The following AHNAK variants were observed in gnomAD, a reference collection of about 807,000 sequenced individuals.
AHNAK encodes neuroblast differentiation-associated protein AHNAK.
Under a neutral mutation model 37.8 loss-of-function variants are expected in AHNAK, and 23 were observed. The ratio of observed to expected loss-of-function variants is 0.61; its 90% confidence interval spans 0.44 to 0.86. The LOEUF is 0.86. Among genes scored for constraint, AHNAK ranks in the 40% least tolerant of loss-of-function variants. The pLI is 0.00. For missense variants in AHNAK, 7,411 were observed against 7,319.4 expected, an observed-to-expected ratio of 1.01 and a Z score of -0.46; for synonymous variants, 2,481 against 2,636.3, an observed-to-expected ratio of 0.94 and a Z score of 1.80.
intron 5 of AHNAK, among the ~76,000 whole-genome samples, chr11:62,485,041 G>A (rs924499486): frequency 1.1e-4 from 16 of 152,104 alleles, no homozygotes; most frequent in Middle Eastern, 3.4e-3. Context: ...TGCCTGCCTC[G>A]GCCTCCCAAA....
At chr11:62,457,751 A>G (rs1263063003) in intron 5 of AHNAK, among the ~76,000 whole-genome samples, 1 of 152,164 alleles carries the variant, frequency 6.6e-6, no homozygotes, top group Non-Finnish European at 1.5e-5. Flanking sequence ...AGACATAAAC[A>G]TGGGAACAAG....
rs1413696103 is a variant in AHNAK, at chr11:62,531,058, A to G, written c.3359T>C (p.Leu1120Pro). Reference sequence around the variant, plus strand: ...CTTGGGTATTTTCAGGCTCCAGTCCAGGCCTTGGCCTTCCACATCTGGTGC... The same window carrying G: ...CTTGGGTATTTTCAGGCTCCAGTCCGGGCCTTGGCCTTCCACATCTGGTGC... The part of the protein sequence containing the change: ...IKAPDVEGQG[L>P]DWSLKIPKMK... The change falls in exon 5 of 5, where the codon CTG becomes CCG. Residue 1120 changes from leucine to proline, a missense_variant. Physicochemically the swap from Leu to Pro is moderately conservative, Grantham distance 98 (BLOSUM62 -3). Coordinates refer to ENST00000378024, the MANE Select transcript of AHNAK (RefSeq NM_001620.3). 6.2e-7 allele frequency: 1 copy of G among 1,612,704 alleles called. No homozygotes were observed. Among genetic ancestry groups the G allele is most frequent in the Non-Finnish European group, 8.5e-7 (1 of 1,179,580 alleles).
chr11:62,474,110 T>G (rs11603834), intron 5 of AHNAK, among the ~76,000 whole-genome samples: 157 of 151,958 alleles, frequency 1.0e-3, no homozygotes, highest in Admixed American at 1.8e-3. Flanking sequence ...TAGTAATAAT[T>G]TATAAATAAA....
At position 62,531,326 on chromosome 11, in the gene AHNAK, C is replaced by G. The variant is rs371985232; in HGVS notation, c.3091G>C (p.Ala1031Pro). ...GGAGCATTAGTATCTACTTTTGGTG[C>G]AGAAATGTCCACATTCGCTTTGGAC... ...NLSKANVDIS[A>P]PKVDTNAPDL... Residue 1031 changes from alanine (A) to proline (P), a missense_variant, in exon 5 of 5, where the codon GCA becomes CCA. Transcript: ENST00000378024. 24 of 1,613,670 alleles carry G rather than the reference C, an allele frequency of 1.5e-5. No homozygotes were observed. The highest frequency in any genetic ancestry group is 1.8e-5 in the Non-Finnish European group (21 of 1,179,924).
intron 4 of AHNAK, among the ~76,000 whole-genome samples, chr11:62,503,026 G>A (rs900253953): frequency 6.6e-5 from 10 of 152,160 alleles, no homozygotes; most frequent in African/African-American, 2.2e-4. Flanking sequence ...GTTCACGCTG[G>A]CTTACTGAAG....
At chr11:62,497,929 A>T (rs1413728971) in intron 4 of AHNAK, among the ~76,000 whole-genome samples, 1 of 151,704 alleles carries the variant, frequency 6.6e-6, no homozygotes, top group African/African-American at 2.4e-5. Flanking sequence ...GAGCCACTGC[A>T]CTCCAGCCTG....
chr11:62,449,607 T>C (rs1341490459), intron 5 of AHNAK, among the ~76,000 whole-genome samples: 1 of 152,186 alleles, frequency 6.6e-6, no homozygotes, highest in Non-Finnish European at 1.5e-5. Flanking sequence ...GCTTTATTAG[T>C]CCAGCTCACT....
In AHNAK at chr11:62,509,384, A is replaced by C. The variant is rs142172225; in HGVS notation, c.343-17553T>G. Among the ~76,000 whole-genome samples, 80 of 152,262 alleles carry C rather than the reference A, an allele frequency of 5.3e-4. No individual in the cohort carries two copies. The East Asian group carries it at 0.015, about 28-fold the overall frequency. ...GGAGTTCGAGACCAGCCCTGTCTCT[A>C]CTAAAAATACAAAAAATTAGCTGGG... On this transcript the variant is annotated intron_variant, in intron 4 of 5. Transcript: ENST00000257247.
chr11:62,472,614 A>T (rs1939056102), intron 5 of AHNAK, among the ~76,000 whole-genome samples: 1 of 152,084 alleles, frequency 6.6e-6, no homozygotes, highest in Non-Finnish European at 1.5e-5. Context: ...AGGACAGCAC[A>T]GCCCCCACCC....
At chr11:62,456,929 C>A (rs1014269255) in intron 5 of AHNAK, among the ~76,000 whole-genome samples, 1 of 152,198 alleles carries the variant, frequency 6.6e-6, no homozygotes, top group Non-Finnish European at 1.5e-5. Flanking sequence ...CCTGCAGTCA[C>A]CTGACCTCAG....
chr11:62,440,359 T>C (rs1357307347), intron 5 of AHNAK, among the ~76,000 whole-genome samples: 1 of 152,076 alleles, frequency 6.6e-6, no homozygotes, highest in East Asian at 1.9e-4. Flanking sequence ...TTCCAGGGCT[T>C]GAGGCAGAGT....
intron 5 of AHNAK, among the ~76,000 whole-genome samples, chr11:62,446,662 G>T (rs1055768855): frequency 6.6e-6 from 1 of 152,000 alleles, no homozygotes; most frequent in Admixed American, 6.6e-5. Flanking sequence ...TTCATGTTTT[G>T]TCATCCACCT....
At chr11:62,536,592 T>C in intron 1 of AHNAK, 25 bp from the exon 2 acceptor site, 1 of 152,944 alleles carries the variant, frequency 6.5e-6, no homozygotes, top group Non-Finnish European at 1.5e-5. Flanking sequence ...ACGATGATGC[T>C]CGCACTCCGG....
At position 62,533,600 on chromosome 11, in the gene AHNAK, C is replaced by A; in HGVS notation, c.817G>T (p.Val273Phe). 6.2e-6 allele frequency: 10 copies of A among 1,614,130 alleles called. No homozygotes were observed. Among genetic ancestry groups the A allele is most frequent in the Non-Finnish European group, 8.5e-6 (10 of 1,180,020 alleles). Residue 273 changes from valine (V) to phenylalanine (F), a missense_variant, in exon 5 of 5, where the codon GTC becomes TTC. Physicochemically the swap from Val to Phe is conservative, Grantham distance 50. Coordinates refer to ENST00000378024, the MANE Select transcript of AHNAK (RefSeq NM_001620.3). The part of the protein sequence containing the change: ...KGLDLGGRGG[V>F]QVPAVDISSS... ...GAAATGTCCACTGCTGGAACTTGGA[C>A]CCCTCCTCTGCCACCCAAGTCCAAG...
At chr11:62,545,216 C>CCA (rs1339884687) in intron 1 of AHNAK, among the ~76,000 whole-genome samples, 1 of 152,228 alleles carries the variant, frequency 6.6e-6, no homozygotes, top group Non-Finnish European at 1.5e-5. Flanking sequence ...GCGGCGGGAG[C>CCA]CACACCCTGC....
chr11:62,487,775 C>T (rs146707364), intron 5 of AHNAK, among the ~76,000 whole-genome samples: 36 of 152,280 alleles, frequency 2.4e-4, no homozygotes, highest in African/African-American at 4.3e-4. Flanking sequence ...AATGTTCAAA[C>T]GGGTTTTTTG....
At chr11:62,515,669 G>C (rs769583089), downstream of AHNAK, among the ~76,000 whole-genome samples, 17 of 152,266 alleles carry the variant, frequency 1.1e-4, no homozygotes, top group Non-Finnish European at 2.2e-4. Context: ...AAGTAGGTGA[G>C]TGGGTCCCGA....
chr11:62,516,712 T>C lies in AHNAK; in HGVS notation c.*32A>G, dbSNP rs1182817929. On this transcript the variant is annotated 3_prime_UTR_variant, in exon 5 of 5. Coordinates refer to ENST00000378024, the MANE Select transcript of AHNAK (RefSeq NM_001620.3). Reference sequence around the variant, plus strand: ...CACCCAAGGCTGATGTTTTGTTATATATATATATATGTACACACATACAAA... The same window carrying C: ...CACCCAAGGCTGATGTTTTGTTATACATATATATATGTACACACATACAAA... The C allele has an allele frequency of 1.9e-6, 3 of 1,552,104 alleles. No individual in the cohort carries two copies. The highest frequency in any genetic ancestry group is 2.6e-6 in the Non-Finnish European group (3 of 1,155,986).
intron 5 of AHNAK, among the ~76,000 whole-genome samples, chr11:62,447,971 G>A (rs1938452093): frequency 6.6e-6 from 1 of 152,096 alleles, no homozygotes. Context: ...GAGAGGGCCT[G>A]TGGAGCCCTC....
Sources: gnomAD v4.1 joint callset for allele counts (sites outside exome capture counted in the v4.1 genomes callset) on GRCh38, gnomAD v4.1.1 for gene constraint, MANE v1.5 for transcripts, NCBI Gene and HGNC (gene_info 2026-07-23, HGNC 2026-07-21) for gene names.